Variants in DAB1 observed in about 807,000 individuals in gnomAD.
DAB1 encodes DAB adaptor protein 1.
In DAB1, 15 loss-of-function variants were observed where a neutral mutation model predicts 64.6. That is an observed-to-expected ratio of 0.23 (90% CI 0.16 to 0.36). The LOEUF is 0.36. DAB1 is among the 10% of genes least tolerant of loss of function. DAB1 has a pLI of 1.00. For synonymous variants in DAB1, 235 were observed against 251.9 expected, an observed-to-expected ratio of 0.93 and a Z score of 0.64; for missense variants, 596 against 706.7, an observed-to-expected ratio of 0.84 and a Z score of 1.78.
intron 4 of DAB1, among the ~76,000 whole-genome samples, chr1:58,249,367 G>T (rs1387003761): frequency 1.3e-5 from 2 of 150,790 alleles, no homozygotes; most frequent in African/African-American, 4.9e-5. Flanking sequence ...ATCAGTGAAA[G>T]CTCAGAGAGC....
At position 58,081,413 on chromosome 1, in the gene DAB1, A is replaced by C. The variant is rs531398679; in HGVS notation, n.387+69098T>G. On this transcript the variant is annotated intron_variant and non_coding_transcript_variant, in intron 5 of 20. Coordinates refer to the DAB1 transcript ENST00000485760. ...CTGTCATCTGGGGCTTCTTCTCTAC[A>C]CTAGCCTCACTCCAGAACCTATGCT... 5.3e-5 allele frequency among the ~76,000 whole-genome samples: 8 copies of C among 152,322 alleles called. No individual in the cohort carries two copies. In the East Asian group the frequency reaches 1.5e-3, roughly 29 times the overall value.
At chr1:57,464,516 C>G (rs917764800) in intron 7 of DAB1, among the ~76,000 whole-genome samples, 1 of 152,178 alleles carries the variant, frequency 6.6e-6, no homozygotes, top group Non-Finnish European at 1.5e-5. Flanking sequence ...CTACACCAGG[C>G]ATAATCTTCA....
At chr1:58,107,617 G>A (rs1440308446) in intron 5 of DAB1, among the ~76,000 whole-genome samples, 1 of 151,874 alleles carries the variant, frequency 6.6e-6, no homozygotes, top group African/African-American at 2.4e-5. Flanking sequence ...TTTTGTTTTT[G>A]TTTTTGTTTT....
At chr1:57,881,495 G>A (rs1557534477) in intron 1 of DAB1, among the ~76,000 whole-genome samples, 1 of 152,184 alleles carries the variant, frequency 6.6e-6, no homozygotes, top group Non-Finnish European at 1.5e-5. Flanking sequence ...ATGTGATCTT[G>A]AGAGAATTGC....
chr1:57,079,652 A>T (rs969282999), intron 4 of DAB1, among the ~76,000 whole-genome samples: 27 of 152,066 alleles, frequency 1.8e-4, no homozygotes, highest in Non-Finnish European at 4.4e-5. Context: ...CTGCTTCCCC[A>T]TGCTGACTCA....
intron 2 of DAB1, among the ~76,000 whole-genome samples, chr1:57,185,827 G>C (rs1663495606): frequency 6.6e-6 from 1 of 152,134 alleles, no homozygotes; most frequent in Admixed American, 6.5e-5. Context: ...CCAGGACACT[G>C]TATCTCAAAG....
intron 5 of DAB1, among the ~76,000 whole-genome samples, chr1:58,130,574 A>C (rs1036053294): frequency 5.9e-5 from 9 of 152,082 alleles, no homozygotes; most frequent in African/African-American, 1.9e-4. Flanking sequence ...ACATTTTGGC[A>C]TGATTTTGCA....
intron 6 of DAB1, among the ~76,000 whole-genome samples, chr1:57,761,732 T>G (rs3118055): frequency 0.6 from 90,827 of 152,124 alleles, 27,346 homozygotes; most frequent in African/African-American, 0.66. Flanking sequence ...TCAACCCAGG[T>G]TTGTCCCTGC....
intron 6 of DAB1, among the ~76,000 whole-genome samples, chr1:57,816,223 T>C (rs1295651123): frequency 6.6e-6 from 1 of 152,254 alleles, no homozygotes; most frequent in African/African-American, 2.4e-5. Flanking sequence ...CCTGTTTCAC[T>C]GATTTCGGCT....
intron 5 of DAB1, among the ~76,000 whole-genome samples, chr1:57,892,193 A>G (rs915251153): frequency 6.6e-6 from 1 of 152,120 alleles, no homozygotes; most frequent in African/African-American, 2.4e-5. Flanking sequence ...TAGTTTAGAG[A>G]ATCGTCCCAC....
intron 7 of DAB1, among the ~76,000 whole-genome samples, chr1:57,456,778 C>T (rs182996176): frequency 3.4e-4 from 52 of 152,178 alleles, no homozygotes; most frequent in African/African-American, 1.2e-3. Context: ...AAGAAAGATG[C>T]TTCTTCTGGC....
intron 7 of DAB1, among the ~76,000 whole-genome samples, chr1:57,445,584 C>A (rs190423578): frequency 4.6e-5 from 7 of 152,112 alleles, no homozygotes; most frequent in Non-Finnish European, 1.0e-4. Context: ...GAGCCAAATC[C>A]CAAGAATTGT....
At chr1:58,413,182 C>A (rs979086603) in intron 3 of DAB1, among the ~76,000 whole-genome samples, 1 of 152,216 alleles carries the variant, frequency 6.6e-6, no homozygotes, top group African/African-American at 2.4e-5. Flanking sequence ...CTATTAGTAT[C>A]TCCCTCATGT....
chr1:58,490,955 G>A lies in DAB1; in HGVS notation n.257+15105C>T, dbSNP rs562927031. On this transcript the variant is annotated intron_variant and non_coding_transcript_variant, in intron 3 of 20. Coordinates refer to the DAB1 transcript ENST00000485760. ...CGAGTAGCTGGGACTACAGGCACCC[G>A]CTACCAAGCCCGGCTAAATTTTTTT... is the stretch of plus-strand genomic sequence containing the variant. Among the ~76,000 whole-genome samples, 144 of 151,494 alleles carry A rather than the reference G, an allele frequency of 9.5e-4. 4 individuals carry two copies. Among genetic ancestry groups the A allele is most frequent in the Non-Finnish European group, 1.8e-3 (125 of 67,870 alleles).
intron 1 of DAB1, among the ~76,000 whole-genome samples, chr1:57,841,661 A>G (rs577884237): frequency 6.6e-6 from 1 of 152,212 alleles, no homozygotes; most frequent in Non-Finnish European, 1.5e-5. Context: ...TTTTAGCCAC[A>G]GCTGGAGCTG....
chr1:57,911,905 C>T (rs998508493), intron 5 of DAB1, among the ~76,000 whole-genome samples: 8 of 152,150 alleles, frequency 5.3e-5, no homozygotes, highest in Non-Finnish European at 1.0e-4. Flanking sequence ...TTCACCCTTC[C>T]CATTTGCTCT....
intron 4 of DAB1, among the ~76,000 whole-genome samples, chr1:58,255,524 A>G (rs1439081797): frequency 6.6e-6 from 1 of 152,144 alleles, no homozygotes; most frequent in Non-Finnish European, 1.5e-5. Flanking sequence ...CAACAGCTCT[A>G]GGCTTCTATT....
At chr1:58,238,407 T>C (rs1660145146) in intron 4 of DAB1, among the ~76,000 whole-genome samples, 1 of 152,082 alleles carries the variant, frequency 6.6e-6, no homozygotes, top group Admixed American at 6.5e-5. Context: ...GTACAGAGAA[T>C]AGAGACATGG....
chr1:57,945,449 A>T (rs1936406), intron 5 of DAB1, among the ~76,000 whole-genome samples: 32 of 112,954 alleles, frequency 2.8e-4, no homozygotes, highest in South Asian at 7.2e-4. Flanking sequence ...TATTATTATT[A>T]TTATTATTTT....
Sources: allele counts gnomAD v4.1 joint callset (sites outside exome capture counted in the v4.1 genomes callset), GRCh38; gene constraint gnomAD v4.1.1; transcripts MANE v1.5; gene names NCBI Gene and HGNC (gene_info 2026-07-23, HGNC 2026-07-21).